Variants in VAMP7 observed in about 807,000 individuals in gnomAD.
VAMP7 encodes the protein vesicle-associated membrane protein 7.
Under a neutral mutation model 29.6 loss-of-function variants are expected in VAMP7, and 14 were observed. That is an observed-to-expected ratio of 0.47 (90% confidence interval 0.31 to 0.74). VAMP7 has a LOEUF of 0.74. Among genes scored for constraint, VAMP7 ranks in the 30% least tolerant of loss-of-function variants. The probability of loss-of-function intolerance (pLI) is 0.05; values close to 1 mark genes in which losing one functional copy is unlikely to be tolerated. For missense variants in VAMP7, 223 were observed against 262.4 expected (o/e 0.85, Z 1.04); for synonymous variants, 95 against 88.1 (o/e 1.08, Z -0.44).
At chrX:155,900,391 C>T in intron 4 of VAMP7, 106 bp from the exon 5 acceptor site, 1 of 840,088 alleles carries the variant, frequency 1.2e-6, no homozygotes, top group Non-Finnish European at 1.8e-6. Flanking sequence ...TCAATAGAGA[C>T]ATAATTTTAT....
At chrX:155,938,917 G>A (rs376952555) in intron 6 of VAMP7, among the ~76,000 whole-genome samples, 1 of 152,314 alleles carries the variant, frequency 6.6e-6, no homozygotes, top group African/African-American at 2.4e-5. Flanking sequence ...TATAAATGTA[G>A]TAGTAGATTG....
chrX:155,932,824 TA>T (rs1813308158), intron 6 of VAMP7, among the ~76,000 whole-genome samples: 1 of 152,192 alleles, frequency 6.6e-6, no homozygotes, highest in South Asian at 2.1e-4. Context: ...GCCCATTCAG[TA>T]TGATATTGGC....
chrX:155,898,197 C>A lies in VAMP7; in HGVS notation c.290C>A (p.Ala97Glu). ...QTTYGSRAQT[A>E]LPYAMNSEFS... Reference sequence around the variant, plus strand: ...ACTTACGGTTCAAGAGCACAGACAGCACTTCCATATGCCATGAATAGCGAG... The same window carrying A: ...ACTTACGGTTCAAGAGCACAGACAGAACTTCCATATGCCATGAATAGCGAG... Residue 97 changes from alanine to glutamate, a missense_variant, in exon 4 of 8, where the codon GCA becomes GAA. Physicochemically the swap from Ala to Glu is moderately radical, Grantham distance 107. Coordinates refer to ENST00000286448, the MANE Select transcript of VAMP7 (RefSeq NM_005638.6). 1 of 1,613,612 alleles carries A rather than the reference C, an allele frequency of 6.2e-7. No individual in the cohort carries two copies. The highest frequency in any genetic ancestry group is 1.1e-5 in the South Asian group (1 of 91,048).
At chrX:155,935,814 T>C (rs1003235152) in intron 6 of VAMP7, among the ~76,000 whole-genome samples, 14 of 152,174 alleles carry the variant, frequency 9.2e-5, no homozygotes, top group African/African-American at 2.7e-4. Context: ...GCTGTTTTTT[T>C]CCCTATCTTT....
intron 5 of VAMP7, among the ~76,000 whole-genome samples, chrX:155,904,484 A>G (rs910566977): frequency 8.5e-5 from 13 of 152,262 alleles, no homozygotes; most frequent in Admixed American, 3.3e-4. Context: ...CATTTAAAGT[A>G]TACAGTCAGT....
chrX:155,936,648 G>A (rs943062409), intron 6 of VAMP7, among the ~76,000 whole-genome samples: 20 of 152,184 alleles, frequency 1.3e-4, no homozygotes, highest in African/African-American at 3.9e-4. Context: ...TGTGCTTCCC[G>A]GGTGAGGCGA....
intron 6 of VAMP7, among the ~76,000 whole-genome samples, chrX:155,930,453 G>C (rs1274511964): frequency 6.6e-6 from 1 of 150,392 alleles, no homozygotes; most frequent in Non-Finnish European, 1.5e-5. Flanking sequence ...GACCAGCCTA[G>C]GCAACAAAGT....
chrX:155,915,411 G>C (rs1279223447), intron 5 of VAMP7, among the ~76,000 whole-genome samples: 3 of 151,936 alleles, frequency 2.0e-5, no homozygotes, highest in African/African-American at 7.2e-5. Context: ...TGCTACCTTT[G>C]AATTTGTTTG....
chrX:155,884,765 G>A (rs1024647764), intron 1 of VAMP7, among the ~76,000 whole-genome samples: 3 of 152,162 alleles, frequency 2.0e-5, no homozygotes, highest in African/African-American at 7.2e-5. Flanking sequence ...AAATACAAAT[G>A]CAGAATTAAA....
At chrX:155,935,531 G>A (rs1287192591) in intron 6 of VAMP7, among the ~76,000 whole-genome samples, 1 of 152,062 alleles carries the variant, frequency 6.6e-6, no homozygotes, top group African/African-American at 2.4e-5. Context: ...TAGTTCTCGT[G>A]CCATGGTTTT....
chrX:155,891,582 G>A (rs1198979174), intron 2 of VAMP7, among the ~76,000 whole-genome samples: 1 of 152,212 alleles, frequency 6.6e-6, no homozygotes, highest in African/African-American at 2.4e-5. Flanking sequence ...TTTGGAAAAG[G>A]GAAGAATGAG....
chrX:155,902,633 G>A (rs1381562723), intron 5 of VAMP7, among the ~76,000 whole-genome samples: 13 of 152,006 alleles, frequency 8.6e-5, no homozygotes, highest in African/African-American at 1.4e-4. Flanking sequence ...TAATCATGTG[G>A]TTTTTGTCTT....
chrX:155,886,222 A>G (rs1398407355), intron 1 of VAMP7, among the ~76,000 whole-genome samples: 1 of 152,176 alleles, frequency 6.6e-6, no homozygotes, highest in Non-Finnish European at 1.5e-5. Flanking sequence ...CTTCAAGTGC[A>G]GTGTTCATTG....
chrX:155,926,392 A>G (rs1254426711), intron 6 of VAMP7, among the ~76,000 whole-genome samples: 1 of 152,180 alleles, frequency 6.6e-6, no homozygotes, highest in Non-Finnish European at 1.5e-5. Flanking sequence ...TTCACCTTGT[A>G]CTTTTATGTT....
At chrX:155,934,434 G>T (rs1205391498) in intron 6 of VAMP7, among the ~76,000 whole-genome samples, 2 of 151,262 alleles carry the variant, frequency 1.3e-5, no homozygotes, top group East Asian at 3.8e-4. Context: ...TTGTTGAATT[G>T]ATCCCTTTAC....
At chrX:155,930,495 A>C (rs34628390) in intron 6 of VAMP7, among the ~76,000 whole-genome samples, 85,949 of 149,386 alleles carry the variant, frequency 0.58, 24,794 homozygotes, top group East Asian at 0.67. Flanking sequence ...CAAACAAAAA[A>C]AAAAAAAAAA....
chrX:155,889,263 A>G (rs2065899469), intron 1 of VAMP7, among the ~76,000 whole-genome samples, 195 bp from the exon 2 acceptor site: 1 of 152,104 alleles, frequency 6.6e-6, no homozygotes. Flanking sequence ...GCATACAAGC[A>G]TGGCTTAGGT....
intron 6 of VAMP7, among the ~76,000 whole-genome samples, chrX:155,927,899 TTTGTTGTTG>T (rs374422359): frequency 6.6e-6 from 1 of 151,548 alleles, no homozygotes; most frequent in Admixed American, 6.6e-5. Context: ...ACCTTTGGCT[TTTGTTGTTG>T]TTGTTGTTGT....
chrX:155,882,089 A>C (rs2065809266), intron 1 of VAMP7, among the ~76,000 whole-genome samples: 1 of 152,174 alleles, frequency 6.6e-6, no homozygotes, highest in Admixed American at 6.5e-5. Flanking sequence ...GGCCTCATTA[A>C]TTGCTTTCAA....
Sources: gnomAD v4.1 joint callset for allele counts (sites outside exome capture counted in the v4.1 genomes callset) on GRCh38, gnomAD v4.1.1 for gene constraint, MANE v1.5 for transcripts, NCBI Gene and HGNC (gene_info 2026-07-23, HGNC 2026-07-21) for gene names.